ESRRG: variants seen among roughly 807,000 people sequenced by gnomAD.
ESRRG encodes estrogen related receptor gamma.
A neutral mutation model predicts 44.0 loss-of-function variants in ESRRG; 13 were observed. That is an observed-to-expected ratio of 0.30 (90% CI 0.19 to 0.47). The LOEUF (loss-of-function observed/expected upper bound fraction) is 0.47, where lower values mean the gene tolerates loss of function less well. Among genes scored for constraint, ESRRG ranks in the 20% least tolerant of loss-of-function variants. The pLI is 1.00. For synonymous variants in ESRRG, 215 were observed against 214.6 expected, an observed-to-expected ratio of 1.00 and a Z score of -0.02; for missense variants, 395 against 580.6, an observed-to-expected ratio of 0.68 and a Z score of 3.29.
At chr1:216,790,629 G>T (rs1195551258) in intron 2 of ESRRG, among the ~76,000 whole-genome samples, 1 of 152,150 alleles carries the variant, frequency 6.6e-6, no homozygotes, top group Non-Finnish European at 1.5e-5. Flanking sequence ...ACATTTTTCA[G>T]AGAATAGCAG....
chr1:216,812,553 T>A (rs2095008424), intron 2 of ESRRG, among the ~76,000 whole-genome samples: 1 of 152,162 alleles, frequency 6.6e-6, no homozygotes, highest in African/African-American at 2.4e-5. Flanking sequence ...AGAATATAGG[T>A]TTGTTTTTGG....
chr1:216,765,378 G>C (rs2093023397), intron 2 of ESRRG, among the ~76,000 whole-genome samples: 1 of 151,942 alleles, frequency 6.6e-6, no homozygotes, highest in African/African-American at 2.4e-5. Flanking sequence ...TTAAGTTGTT[G>C]GATGCTCACA....
chr1:216,681,311 T>A (rs1486910428), intron 1 of ESRRG, among the ~76,000 whole-genome samples: 1 of 152,182 alleles, frequency 6.6e-6, no homozygotes, highest in East Asian at 1.9e-4. Flanking sequence ...ATTATTATTA[T>A]ACTTTAAGTT....
rs117271996 is a variant in ESRRG at position 216,816,112 on chromosome 1, A to T, written c.-14+123470T>A. On this transcript the variant is annotated intron_variant, in intron 2 of 7. Transcript: ENST00000359162. ...CAGATGCTAAAGAAATACCTCTTTCACTACCAGCATTCATCGTGGGTCATC... is the reference window on the plus strand; with the variant it reads ...CAGATGCTAAAGAAATACCTCTTTCTCTACCAGCATTCATCGTGGGTCATC... 5.6e-4 allele frequency among the ~76,000 whole-genome samples: 86 copies of T among 152,314 alleles called. 2 individuals carry two copies. The East Asian group carries it at 0.014, about 25-fold the overall frequency.
At chr1:217,036,267 C>T (rs1228579971) in intron 1 of ESRRG, among the ~76,000 whole-genome samples, 1 of 152,030 alleles carries the variant, frequency 6.6e-6, no homozygotes, top group African/African-American at 2.4e-5. Context: ...TTCTCAAAGT[C>T]CTAAAGACAA....
chr1:217,125,781 A>G (rs775793861), intron 1 of ESRRG, among the ~76,000 whole-genome samples: 21 of 152,182 alleles, frequency 1.4e-4, no homozygotes, highest in Non-Finnish European at 2.5e-4. Context: ...TATTATTATC[A>G]TATGTGGTCA....
intron 3 of ESRRG, among the ~76,000 whole-genome samples, chr1:216,635,111 G>T (rs1372918266): frequency 1.3e-5 from 2 of 152,052 alleles, no homozygotes; most frequent in African/African-American, 4.8e-5. Flanking sequence ...CACAAAACCA[G>T]CATCAAAGGA....
At chr1:217,115,515 A>T (rs1368612406) in intron 1 of ESRRG, among the ~76,000 whole-genome samples, 1 of 151,670 alleles carries the variant, frequency 6.6e-6, no homozygotes, top group Non-Finnish European at 1.5e-5. Context: ...CCTTATTCAC[A>T]CTTCTCCAGC....
At chr1:216,743,292 T>C (rs1413408353) in intron 2 of ESRRG, among the ~76,000 whole-genome samples, 1 of 152,318 alleles carries the variant, frequency 6.6e-6, no homozygotes, top group South Asian at 2.1e-4. Context: ...ATTCATTTGC[T>C]GTTAATGCTG....
At chr1:216,880,321 A>T in intron 2 of ESRRG, among the ~76,000 whole-genome samples, 1 of 150,400 alleles carries the variant, frequency 6.6e-6, no homozygotes, top group Admixed American at 6.6e-5. Flanking sequence ...AAAAAAAAAA[A>T]AAAAAAAAAA....
At chr1:216,913,550 G>A (rs893650929) in intron 2 of ESRRG, among the ~76,000 whole-genome samples, 2 of 152,202 alleles carry the variant, frequency 1.3e-5, no homozygotes, top group Non-Finnish European at 2.9e-5. Context: ...ATAATCAGTG[G>A]ATTGTGGCTT....
At position 217,135,512 on chromosome 1, in the gene ESRRG, A is replaced by AG. The variant is rs545200251; in HGVS notation, c.-230+2154dup. Among the ~76,000 whole-genome samples the AG allele has an allele frequency of 7.9e-3, 1,200 of 151,810 alleles. 17 individuals are homozygous for AG. The highest frequency in any genetic ancestry group is 0.028 in the African/African-American group (1,139 of 41,410). On this transcript the variant is annotated intron_variant, in intron 1 of 8. Coordinates refer to the ESRRG transcript ENST00000366940. Reference sequence around the variant, plus strand: ...GGGCAGAGGCGGAGGCCAAGGACTGAGCAAGGGGCGCGCGCGCGGCGGCGG... The same window carrying AG: ...GGGCAGAGGCGGAGGCCAAGGACTGAGGCAAGGGGCGCGCGCGCGGCGGCGG...
chr1:216,676,539 G>A (rs938344628), intron 2 of ESRRG, among the ~76,000 whole-genome samples: 8 of 152,090 alleles, frequency 5.3e-5, no homozygotes, highest in African/African-American at 1.9e-4. Context: ...AGCATCATCA[G>A]CATTACCTGA....
At chr1:217,133,375 C>T (rs967656399) in intron 1 of ESRRG, among the ~76,000 whole-genome samples, 2 of 152,264 alleles carry the variant, frequency 1.3e-5, no homozygotes, top group African/African-American at 4.8e-5. Context: ...TCTTCAGGAC[C>T]CAGAGTTTAT....
intron 2 of ESRRG, among the ~76,000 whole-genome samples, chr1:216,832,261 C>T (rs1415985871): frequency 6.6e-6 from 1 of 152,168 alleles, no homozygotes; most frequent in Non-Finnish European, 1.5e-5. Flanking sequence ...AAAAGTAAAA[C>T]ATTAGATGGA....
At chr1:216,835,424 ACAGTGTATG>A (rs1271093410) in intron 2 of ESRRG, among the ~76,000 whole-genome samples, 1 of 152,216 alleles carries the variant, frequency 6.6e-6, no homozygotes, top group Non-Finnish European at 1.5e-5. Flanking sequence ...TGAACACTCT[ACAGTGTATG>A]AGTGGTTGAC....
intron 1 of ESRRG, among the ~76,000 whole-genome samples, chr1:217,025,710 A>G (rs2081078710): frequency 6.6e-6 from 1 of 152,220 alleles, no homozygotes; most frequent in Non-Finnish European, 1.5e-5. Context: ...ATAGAAACTC[A>G]GGATCAGGAC....
At chr1:216,897,468 A>G (rs1359608341) in intron 2 of ESRRG, among the ~76,000 whole-genome samples, 6 of 152,192 alleles carry the variant, frequency 3.9e-5, no homozygotes, top group African/African-American at 7.2e-5. Context: ...AAATGGCTCT[A>G]CAATGTTAAA....
At chr1:217,027,198 T>C (rs917868242) in intron 1 of ESRRG, among the ~76,000 whole-genome samples, 5 of 152,148 alleles carry the variant, frequency 3.3e-5, no homozygotes, top group African/African-American at 9.7e-5. Context: ...ATGTCTATAG[T>C]AATTCCAGAA....
Sources: gnomAD v4.1 joint callset for allele counts (sites outside exome capture counted in the v4.1 genomes callset) on GRCh38, gnomAD v4.1.1 for gene constraint, MANE v1.5 for transcripts, NCBI Gene and HGNC (gene_info 2026-07-23, HGNC 2026-07-21) for gene names.